ARHGAP18: variants seen among roughly 807,000 people sequenced by gnomAD.
ARHGAP18 encodes Rho GTPase activating protein 18, also known as rho GTPase-activating protein 18.
A neutral mutation model predicts 86.2 loss-of-function variants in ARHGAP18; 67 were observed. The observed-to-expected ratio is 0.78, with a 90% confidence interval of 0.64 to 0.95. The LOEUF is 0.95. Among genes scored for constraint, ARHGAP18 ranks in the 40% least tolerant of loss-of-function variants. The pLI is 0.00. For synonymous variants in ARHGAP18, 283 were observed against 280.4 expected (o/e 1.01, Z -0.09); for missense variants, 691 against 780.4 (o/e 0.89, Z 1.37).
intron 5 of ARHGAP18, among the ~76,000 whole-genome samples, chr6:129,624,365 C>T (rs1789293620): frequency 6.6e-6 from 1 of 151,658 alleles, no homozygotes; most frequent in African/African-American, 2.4e-5. Context: ...CCCGTCTCTA[C>T]TAAAAATATA....
chr6:129,638,479 G>C lies in ARHGAP18; in HGVS notation c.467C>G (p.Ser156Cys), dbSNP rs752146514. ...AAVQKRVETV[S>C]QTLRKKNKQY... ...TTTGTTTTTTTTCCTCAAGGTCTGG[G>C]AGACCGTCTCTACTCGCTTCTGAAC... The change falls in exon 3 of 15, where the codon TCC (serine) becomes TGC (cysteine). Residue 156 changes from serine (S) to cysteine (C), a missense_variant. Physicochemically the swap from Ser to Cys is moderately radical, Grantham distance 112. Transcript: ENST00000368149. The C allele has an allele frequency of 3.7e-6, 6 of 1,614,028 alleles. No individual in the cohort carries two copies.
intron 5 of ARHGAP18, 36 bp from the exon 6 acceptor site, chr6:129,618,888 A>G: frequency 5.1e-6 from 8 of 1,583,722 alleles, no homozygotes; most frequent in Non-Finnish European, 6.0e-6. Context: ...AAAAGCTTAC[A>G]GTACCTAACC....
intron 1 of ARHGAP18, among the ~76,000 whole-genome samples, chr6:129,669,021 A>T (rs1774096170): frequency 6.6e-6 from 1 of 152,198 alleles, no homozygotes; most frequent in East Asian, 1.9e-4. Context: ...ATTCACATAA[A>T]GGGCCAAATA....
At chr6:129,589,316 T>C (rs1788464644) in intron 12 of ARHGAP18, among the ~76,000 whole-genome samples, 1 of 152,148 alleles carries the variant, frequency 6.6e-6, no homozygotes, top group African/African-American at 2.4e-5. Flanking sequence ...CCCTAAATCA[T>C]CTCTCTCAAG....
At chr6:129,691,702 G>A (rs1774531982) in intron 1 of ARHGAP18, among the ~76,000 whole-genome samples, 1 of 151,940 alleles carries the variant, frequency 6.6e-6, no homozygotes, top group Non-Finnish European at 1.5e-5. Context: ...ACCCAACAAT[G>A]GCAATAAACA....
At chr6:129,665,556 A>C (rs751207574) in intron 1 of ARHGAP18, among the ~76,000 whole-genome samples, 1 of 152,198 alleles carries the variant, frequency 6.6e-6, no homozygotes, top group Non-Finnish European at 1.5e-5. Flanking sequence ...TCTCCAAAAA[A>C]ATAAATAAAT....
At chr6:129,597,944 G>A in intron 12 of ARHGAP18, among the ~76,000 whole-genome samples, 1 of 151,988 alleles carries the variant, frequency 6.6e-6, no homozygotes, top group East Asian at 1.9e-4. Context: ...TTTCCAAAAA[G>A]TAAACGTTTC....
At chr6:129,691,405 A>G (rs1176625186) in intron 1 of ARHGAP18, among the ~76,000 whole-genome samples, 1 of 152,216 alleles carries the variant, frequency 6.6e-6, no homozygotes, top group Non-Finnish European at 1.5e-5. Flanking sequence ...CTTAATCTAA[A>G]AAGAATTCTG....
chr6:129,605,702 A>G (rs1178844584), intron 10 of ARHGAP18, among the ~76,000 whole-genome samples, 175 bp downstream of exon 10: 1 of 152,240 alleles, frequency 6.6e-6, no homozygotes, highest in Non-Finnish European at 1.5e-5. Flanking sequence ...CATTAGTAAC[A>G]TAACAACCTC....
intron 1 of ARHGAP18, among the ~76,000 whole-genome samples, chr6:129,669,492 T>C (rs1446408904): frequency 6.8e-6 from 1 of 147,654 alleles, no homozygotes; most frequent in African/African-American, 2.5e-5. Flanking sequence ...CTTTTTAAAG[T>C]CAGGAAAAAT....
intron 1 of ARHGAP18, among the ~76,000 whole-genome samples, chr6:129,688,782 A>C (rs1019782169): frequency 1.5e-5 from 2 of 133,690 alleles, no homozygotes; most frequent in Non-Finnish European, 3.2e-5. Flanking sequence ...ACAAGAATGA[A>C]ACTCCAAGTC....
chr6:129,619,104 C>T (rs1171799965), intron 5 of ARHGAP18, among the ~76,000 whole-genome samples: 2 of 149,130 alleles, frequency 1.3e-5, no homozygotes, highest in East Asian at 2.0e-4. Context: ...GTATTAATAC[C>T]AGTGGCTCAG....
intron 1 of ARHGAP18, among the ~76,000 whole-genome samples, chr6:129,662,977 T>A (rs1773980827): frequency 6.6e-6 from 1 of 152,220 alleles, no homozygotes; most frequent in African/African-American, 2.4e-5. Context: ...AATTTAATAA[T>A]TTGTCAGGGG....
Position 129,577,057 on chromosome 6 carries a change from A to G in ARHGAP18, c.*1456T>C, listed in dbSNP as rs982271380. The G allele has an allele frequency of 1.3e-5, 2 of 152,176 alleles. No homozygotes were observed. Among genetic ancestry groups the G allele is most frequent in the Non-Finnish European group, 1.5e-5 (1 of 68,016 alleles). The allele number at this position is 152,176 out of a possible 1,614,324, so 9.4% of individuals were successfully genotyped here. On this transcript the variant is annotated 3_prime_UTR_variant, in exon 15 of 15. Transcript: ENST00000368149. ...ATAAAAAAAAAGCAAAAATACTCAT[A>G]AACACATAGGATTAAAAGTAATGAT... is the stretch of plus-strand genomic sequence containing the variant.
intron 3 of ARHGAP18, among the ~76,000 whole-genome samples, chr6:129,635,345 T>C (rs1014015947): frequency 4.6e-5 from 7 of 152,180 alleles, no homozygotes; most frequent in African/African-American, 1.7e-4. Context: ...AGGCTATTAA[T>C]GCACCACTTA....
At chr6:129,667,251 GT>G (rs1774057512) in intron 1 of ARHGAP18, among the ~76,000 whole-genome samples, 1 of 151,514 alleles carries the variant, frequency 6.6e-6, no homozygotes, top group African/African-American at 2.4e-5. Context: ...GTTGTTCAAT[GT>G]TTTCAAAAAT....
At chr6:129,639,760 C>A (rs1773406788) in intron 2 of ARHGAP18, among the ~76,000 whole-genome samples, 1 of 152,078 alleles carries the variant, frequency 6.6e-6, no homozygotes, top group South Asian at 2.1e-4. Flanking sequence ...AGTAAGTCAG[C>A]AAGGCCGGGC....
At chr6:129,594,887 A>G (rs1350603952) in intron 12 of ARHGAP18, among the ~76,000 whole-genome samples, 6 of 152,160 alleles carry the variant, frequency 3.9e-5, no homozygotes, top group African/African-American at 1.4e-4. Context: ...ATCCATGTTC[A>G]TTGTATTACC....
Position 129,638,709 on chromosome 6 carries a change from C to T in ARHGAP18, c.317-80G>A, listed in dbSNP as rs1002029248. The T allele has an allele frequency of 1.6e-5, 21 of 1,317,392 alleles. No homozygotes were observed. The South Asian group carries it at 2.8e-4, about 18-fold the overall frequency. The allele number at this position is 1,317,392 out of a possible 1,614,324, so 81.6% of individuals were successfully genotyped here. Reference sequence around the variant, plus strand: ...TTTTTTAAGCTGTTAAAAATTCTTACTAAAACTCTTCTATTGTAACCAAAC... The same window carrying T: ...TTTTTTAAGCTGTTAAAAATTCTTATTAAAACTCTTCTATTGTAACCAAAC... On this transcript the variant is annotated intron_variant, in intron 2 of 14. Coordinates refer to ENST00000368149, the MANE Select transcript of ARHGAP18 (RefSeq NM_033515.3).
Sources: gnomAD v4.1 joint callset for allele counts (sites outside exome capture counted in the v4.1 genomes callset) on GRCh38, gnomAD v4.1.1 for gene constraint, MANE v1.5 for transcripts, NCBI Gene and HGNC (gene_info 2026-07-23, HGNC 2026-07-21) for gene names.